Variants in PPP1R13B observed in about 807,000 individuals in gnomAD.
The protein encoded by PPP1R13B is apoptosis-stimulating of p53 protein 1.
A neutral mutation model predicts 119.8 loss-of-function variants in PPP1R13B; 44 were observed. The observed-to-expected ratio is 0.37, with a 90% CI of 0.29 to 0.47. The LOEUF (loss-of-function observed/expected upper bound fraction) is 0.47. Ranked by LOEUF, PPP1R13B falls within the 20% of genes least tolerant of loss-of-function variation. PPP1R13B has a pLI of 0.99. For synonymous variants in PPP1R13B, 542 were observed against 561.5 expected, an observed-to-expected ratio of 0.97 and a Z score of 0.49; for missense variants, 1,227 against 1,413.5, an observed-to-expected ratio of 0.87 and a Z score of 2.12.
intron 1 of PPP1R13B, among the ~76,000 whole-genome samples, chr14:103,799,156 C>G (rs181804335): frequency 6.6e-6 from 1 of 151,830 alleles, no homozygotes; most frequent in Admixed American, 6.6e-5. Context: ...CATATCACCA[C>G]GCCCAGCTAA....
intron 1 of PPP1R13B, among the ~76,000 whole-genome samples, chr14:103,835,303 T>G (rs2086750185): frequency 6.6e-6 from 1 of 152,052 alleles, no homozygotes; most frequent in African/African-American, 2.4e-5. Flanking sequence ...TTGTATTATT[T>G]TGGTAGAGAT....
chr14:103,843,926 G>A (rs1050181654), intron 1 of PPP1R13B, among the ~76,000 whole-genome samples: 3 of 148,956 alleles, frequency 2.0e-5, no homozygotes, highest in African/African-American at 2.5e-5. Context: ...GCACTCCAGC[G>A]TGGCGACAGA....
At position 103,805,679 on chromosome 14, in the gene PPP1R13B, G is replaced by A. The variant is rs752669497; in HGVS notation, c.10-8161C>T. 1.1e-3 allele frequency among the ~76,000 whole-genome samples: 163 copies of A among 152,232 alleles called. 1 individual carries two copies. The highest frequency in any genetic ancestry group is 4.3e-3 in the Admixed American group (66 of 15,264). ...GATAATTATGGAATATCATACAATG[G>A]AATATTATTCAGCAATAAAAGTAAC... On this transcript the variant is annotated intron_variant, in intron 1 of 16. Coordinates refer to ENST00000202556, the MANE Select transcript of PPP1R13B (RefSeq NM_015316.3).
At chr14:103,815,313 C>T (rs1023420379) in intron 1 of PPP1R13B, among the ~76,000 whole-genome samples, 2 of 152,072 alleles carry the variant, frequency 1.3e-5, no homozygotes, top group African/African-American at 4.8e-5. Context: ...AAAATGGGTA[C>T]AAGATTTCTT....
chr14:103,784,084 G>A (rs1022596681), intron 3 of PPP1R13B, among the ~76,000 whole-genome samples: 4 of 152,222 alleles, frequency 2.6e-5, no homozygotes, highest in South Asian at 2.1e-4. Flanking sequence ...GCTGAAACAG[G>A]AGAATCGCTT....
intron 1 of PPP1R13B, among the ~76,000 whole-genome samples, chr14:103,799,760 A>C (rs2085854927): frequency 6.6e-6 from 1 of 152,208 alleles, no homozygotes; most frequent in African/African-American, 2.4e-5. Context: ...CCTAAAGTAA[A>C]AATTAGGCTA....
chr14:103,780,767 G>A (rs1292256875), intron 3 of PPP1R13B, among the ~76,000 whole-genome samples: 6 of 149,616 alleles, frequency 4.0e-5, no homozygotes, highest in East Asian at 2.0e-4. Flanking sequence ...CCAAGATTGC[G>A]CCACTGCACT....
chr14:103,786,681 C>G (rs2085470165), intron 2 of PPP1R13B, among the ~76,000 whole-genome samples: 2 of 146,960 alleles, frequency 1.4e-5, no homozygotes, highest in South Asian at 4.3e-4. Context: ...AGAAGAATCA[C>G]TTGAACCTAG....
chr14:103,829,409 T>A (rs555500132), intron 1 of PPP1R13B, among the ~76,000 whole-genome samples: 2 of 152,336 alleles, frequency 1.3e-5, no homozygotes, highest in East Asian at 3.9e-4. Flanking sequence ...CAAAATAATT[T>A]AATGTTTTTA....
intron 1 of PPP1R13B, among the ~76,000 whole-genome samples, chr14:103,797,722 G>C (rs1439681941): frequency 6.6e-6 from 1 of 150,850 alleles, no homozygotes; most frequent in Non-Finnish European, 1.5e-5. Context: ...AATGAGGAGA[G>C]TAATAGAAAA....
At chr14:103,806,247 C>T (rs532649583) in intron 1 of PPP1R13B, among the ~76,000 whole-genome samples, 78 of 152,254 alleles carry the variant, frequency 5.1e-4, no homozygotes, top group Admixed American at 7.9e-4. Context: ...ATATGAAACA[C>T]ATATTTGCAG....
chr14:103,762,041 T>A (rs140106393), intron 4 of PPP1R13B, among the ~76,000 whole-genome samples: 22 of 152,338 alleles, frequency 1.4e-4, no homozygotes, highest in South Asian at 4.1e-4. Flanking sequence ...TGGCTCTACC[T>A]GCTCTGAAGT....
intron 2 of PPP1R13B, among the ~76,000 whole-genome samples, chr14:103,797,012 T>C (rs1211185977): frequency 7.0e-6 from 1 of 143,406 alleles, no homozygotes; most frequent in Non-Finnish European, 1.5e-5. Flanking sequence ...ATAGGAGCAT[T>C]ATTCATAATA....
intron 4 of PPP1R13B, chr14:103,762,935 G>A (rs1235678937): frequency 3.2e-5 from 31 of 968,860 alleles, no homozygotes; most frequent in Middle Eastern, 3.1e-4. Context: ...TGCTGTCCCC[G>A]TCTACAGTAT....
intron 1 of PPP1R13B, among the ~76,000 whole-genome samples, chr14:103,824,446 A>G (rs933290923): frequency 1.3e-5 from 2 of 151,322 alleles, no homozygotes; most frequent in African/African-American, 2.4e-5. Context: ...CTGTAATCCC[A>G]GCACTTTGGG....
chr14:103,816,946 T>G (rs1268737014), intron 1 of PPP1R13B, among the ~76,000 whole-genome samples: 1 of 152,210 alleles, frequency 6.6e-6, no homozygotes, highest in African/African-American at 2.4e-5. Flanking sequence ...GCACCCCATC[T>G]TTTTACAAAT....
chr14:103,819,170 G>A (rs2086346740), intron 1 of PPP1R13B, among the ~76,000 whole-genome samples: 1 of 152,160 alleles, frequency 6.6e-6, no homozygotes, highest in Non-Finnish European at 1.5e-5. Context: ...GGAAATCAAA[G>A]GGAGAGGAGT....
intron 4 of PPP1R13B, among the ~76,000 whole-genome samples, chr14:103,771,528 T>G (rs2085069292): frequency 6.9e-6 from 1 of 145,828 alleles, no homozygotes; most frequent in Non-Finnish European, 1.5e-5. Flanking sequence ...TCCCCCAGGC[T>G]GGAGTGCGAT....
chr14:103,749,425 C>A (rs1258821611), intron 8 of PPP1R13B, among the ~76,000 whole-genome samples: 4 of 152,152 alleles, frequency 2.6e-5, no homozygotes, highest in African/African-American at 9.7e-5. Flanking sequence ...GAACATGAGG[C>A]TACGCAAGTC....
Sources: gnomAD v4.1 joint callset for allele counts (sites outside exome capture counted in the v4.1 genomes callset) on GRCh38, gnomAD v4.1.1 for gene constraint, MANE v1.5 for transcripts, NCBI Gene and HGNC (gene_info 2026-07-23, HGNC 2026-07-21) for gene names.